The following SPAG16 variants were observed in gnomAD, a reference collection of about 807,000 sequenced individuals.
The protein encoded by SPAG16 is sperm associated antigen 16.
Under a neutral mutation model 80.4 loss-of-function variants are expected in SPAG16, and 86 were observed. The ratio of observed to expected loss-of-function variants is 1.07; its 90% confidence interval spans 0.90 to 1.28. The LOEUF (loss-of-function observed/expected upper bound fraction) is 1.28. Ranked by LOEUF, SPAG16 falls within the 50% of genes most tolerant of loss-of-function variation. The pLI is 0.00. For synonymous variants in SPAG16, 294 were observed against 265.9 expected (o/e 1.11, Z -1.03); for missense variants, 870 against 765.3 (o/e 1.14, Z -1.61).
At chr2:214,385,915 A>T (rs1257921195) in intron 15 of SPAG16, among the ~76,000 whole-genome samples, 2 of 152,212 alleles carry the variant, frequency 1.3e-5, no homozygotes, top group African/African-American at 4.8e-5. Flanking sequence ...ACAAGCACAG[A>T]TCCAAATCTG....
intron 10 of SPAG16, among the ~76,000 whole-genome samples, chr2:213,690,373 G>C (rs1185784111): frequency 2.6e-5 from 4 of 152,216 alleles, no homozygotes; most frequent in Non-Finnish European, 5.9e-5. Context: ...GAAGGAAACT[G>C]TGTCCTTACA....
chr2:214,364,784 C>G (rs905864320), intron 15 of SPAG16, among the ~76,000 whole-genome samples: 3 of 152,132 alleles, frequency 2.0e-5, no homozygotes, highest in Non-Finnish European at 2.9e-5. Flanking sequence ...GGTGGTAGAT[C>G]AGAGATGATT....
chr2:214,246,718 T>C (rs971894486), intron 15 of SPAG16, among the ~76,000 whole-genome samples: 6 of 152,100 alleles, frequency 3.9e-5, no homozygotes, highest in African/African-American at 1.4e-4. Flanking sequence ...GCCAAGTCCT[T>C]TCTGAACTCC....
chr2:214,021,608 C>G (rs1195056043), intron 13 of SPAG16, among the ~76,000 whole-genome samples: 1 of 152,110 alleles, frequency 6.6e-6, no homozygotes, highest in Non-Finnish European at 1.5e-5. Context: ...TGGGTGGGGA[C>G]ACAGAGCCAA....
chr2:214,045,922 A>C (rs1011668104), intron 13 of SPAG16, among the ~76,000 whole-genome samples: 3 of 152,142 alleles, frequency 2.0e-5, no homozygotes, highest in Non-Finnish European at 4.4e-5. Flanking sequence ...ACAAAAAGAC[A>C]GTTTTTTGAA....
intron 15 of SPAG16, among the ~76,000 whole-genome samples, chr2:214,257,739 CAAT>C (rs1275549071): frequency 6.6e-6 from 1 of 152,018 alleles, no homozygotes; most frequent in African/African-American, 2.4e-5. Context: ...ATTAATTTAA[CAAT>C]AATATTTTCA....
intron 9 of SPAG16, among the ~76,000 whole-genome samples, chr2:213,403,654 G>A (rs2068452009): frequency 6.6e-6 from 1 of 152,186 alleles, no homozygotes; most frequent in Admixed American, 6.5e-5. Flanking sequence ...CACAAGACAG[G>A]GATGCCCCCT....
chr2:213,344,991 C>A (rs1234655900), intron 6 of SPAG16, among the ~76,000 whole-genome samples: 1 of 151,902 alleles, frequency 6.6e-6, no homozygotes, highest in African/African-American at 2.4e-5. Context: ...GTTTACAGTC[C>A]CATCAACAGT....
chr2:213,463,982 A>G (rs1156781958), intron 9 of SPAG16, among the ~76,000 whole-genome samples: 3 of 152,210 alleles, frequency 2.0e-5, no homozygotes, highest in Non-Finnish European at 4.4e-5. Flanking sequence ...ATCTGGGCCT[A>G]GAGAGGGAGA....
At chr2:213,950,909 C>T (rs777508736) in intron 12 of SPAG16, among the ~76,000 whole-genome samples, 1 of 151,714 alleles carries the variant, frequency 6.6e-6, no homozygotes, top group East Asian at 1.9e-4. Context: ...GACAGTGTCT[C>T]TCTATGTTGC....
At chr2:214,040,551 G>C (rs974509702) in intron 13 of SPAG16, among the ~76,000 whole-genome samples, 18 of 152,092 alleles carry the variant, frequency 1.2e-4, no homozygotes, top group African/African-American at 4.1e-4. Flanking sequence ...TTGGTTTTCT[G>C]TTCCTGTGTT....
chr2:214,021,200 AGT>A (rs1291030682), intron 13 of SPAG16, among the ~76,000 whole-genome samples: 1 of 152,168 alleles, frequency 6.6e-6, no homozygotes, highest in Non-Finnish European at 1.5e-5. Flanking sequence ...ATTTTGTGGG[AGT>A]AGAAAACATT....
At chr2:214,102,205 G>A (rs760130282) in intron 13 of SPAG16, among the ~76,000 whole-genome samples, 4 of 145,892 alleles carry the variant, frequency 2.7e-5, no homozygotes, top group Non-Finnish European at 4.5e-5. Flanking sequence ...TACCAGAGAT[G>A]TCTTAGGCCT....
At chr2:214,383,243 C>A (rs1700554069) in intron 15 of SPAG16, among the ~76,000 whole-genome samples, 1 of 152,068 alleles carries the variant, frequency 6.6e-6, no homozygotes, top group Non-Finnish European at 1.5e-5. Flanking sequence ...GGGTCCTAAG[C>A]ATAGTCTAAG....
intron 10 of SPAG16, among the ~76,000 whole-genome samples, chr2:213,728,287 C>A (rs924826489): frequency 1.3e-5 from 2 of 152,160 alleles, no homozygotes; most frequent in African/African-American, 4.8e-5. Flanking sequence ...GAGCTTGTGG[C>A]TTCCTTAGAG....
At chr2:213,559,606 T>C (rs1575972529) in intron 10 of SPAG16, among the ~76,000 whole-genome samples, 1 of 152,296 alleles carries the variant, frequency 6.6e-6, no homozygotes, top group South Asian at 2.1e-4. Context: ...TTATAGTGCA[T>C]ATATTTTAAT....
At chr2:214,177,899 AC>A (rs1307543712) in intron 15 of SPAG16, among the ~76,000 whole-genome samples, 127 of 96,914 alleles carry the variant, frequency 1.3e-3, no homozygotes, top group African/African-American at 6.6e-3. Flanking sequence ...ATATATATAT[AC>A]ATATATATAT....
chr2:214,161,186 T>C (rs2056420560), intron 15 of SPAG16, among the ~76,000 whole-genome samples: 1 of 152,188 alleles, frequency 6.6e-6, no homozygotes, highest in East Asian at 1.9e-4. Context: ...CAACATTTTC[T>C]TTATCCAGTC....
At chr2:214,306,525 A>T (rs1253244528) in intron 15 of SPAG16, among the ~76,000 whole-genome samples, 1 of 151,954 alleles carries the variant, frequency 6.6e-6, no homozygotes, top group Non-Finnish European at 1.5e-5. Context: ...TAATAGATGG[A>T]TTTTATTATT....
Sources: allele counts gnomAD v4.1 joint callset (sites outside exome capture counted in the v4.1 genomes callset), GRCh38; gene constraint gnomAD v4.1.1; transcripts MANE v1.5; gene names NCBI Gene and HGNC (gene_info 2026-07-23, HGNC 2026-07-21).